Variants in CYTH1 observed in about 807,000 individuals in gnomAD.
CYTH1 encodes the protein cytohesin-1.
In CYTH1, 18 loss-of-function variants were observed where a neutral mutation model predicts 61.8. That is an observed-to-expected ratio of 0.29 (90% CI 0.20 to 0.43). The LOEUF (loss-of-function observed/expected upper bound fraction) is 0.43. CYTH1 is among the 20% of genes least tolerant of loss of function. The pLI, the probability that CYTH1 is intolerant of heterozygous loss-of-function variation, is 1.00. For missense variants in CYTH1, 336 were observed against 510.5 expected (o/e 0.66, Z 3.29); for synonymous variants, 174 against 184.3 (o/e 0.94, Z 0.45).
At chr17:78,769,138 T>C (rs1330785825) in intron 1 of CYTH1, among the ~76,000 whole-genome samples, 1 of 135,644 alleles carries the variant, frequency 7.4e-6, no homozygotes, top group East Asian at 2.3e-4. Flanking sequence ...AGAGCAAGAC[T>C]ATGTCTCAAA....
chr17:78,731,666 G>A (rs1567865249), intron 1 of CYTH1, among the ~76,000 whole-genome samples: 1 of 150,176 alleles, frequency 6.7e-6, no homozygotes, highest in Non-Finnish European at 1.5e-5. Context: ...GCTGAGGCAG[G>A]AGAATGGCGT....
Position 78,674,494 on chromosome 17 carries a change from A to G in CYTH1, c.*1597T>C, listed in dbSNP as rs1256046633. 2.2e-5 allele frequency: 3 copies of G among 137,910 alleles called. No individual in the cohort carries two copies. Among genetic ancestry groups the G allele is most frequent in the African/African-American group, 8.1e-5 (3 of 36,912 alleles). The allele number at this position is 137,910 out of a possible 1,614,324, so 8.5% of individuals were successfully genotyped here. A position where few individuals can be genotyped will look rare whatever the true frequency, so the allele number is the denominator to read the frequency against. ...AAAAGTGCCTAAAGCCATTCCCTCC[A>G]GGTAGGATCTACACAAAGTGGCGGG... On this transcript the variant is annotated 3_prime_UTR_variant, in exon 14 of 14. Coordinates refer to ENST00000446868, the MANE Select transcript of CYTH1 (RefSeq NM_004762.6).
chr17:78,737,922 T>C (rs1293451548), intron 1 of CYTH1, among the ~76,000 whole-genome samples: 1 of 152,104 alleles, frequency 6.6e-6, no homozygotes, highest in Non-Finnish European at 1.5e-5. Flanking sequence ...TGTCGTTTTA[T>C]AGCTACTTAT....
At chr17:78,678,175 T>C (rs3936118) in intron 13 of CYTH1, 84,590 of 152,166 alleles carry the variant, frequency 0.56, 23,587 homozygotes, top group East Asian at 0.61. Flanking sequence ...AAGGATTGAA[T>C]GATTCTAAAT....
intron 1 of CYTH1, among the ~76,000 whole-genome samples, chr17:78,711,936 G>A (rs1447787669): frequency 6.6e-6 from 1 of 151,784 alleles, no homozygotes; most frequent in East Asian, 1.9e-4. Flanking sequence ...AAAATTAGCT[G>A]GGCATGGTGG....
chr17:78,757,751 T>C (rs2093407448), intron 1 of CYTH1, among the ~76,000 whole-genome samples: 1 of 151,582 alleles, frequency 6.6e-6, no homozygotes, highest in South Asian at 2.1e-4. Flanking sequence ...GCCAACATGG[T>C]GAAACCCCTT....
rs757011876 is a variant in CYTH1 at position 78,698,363 on chromosome 17, T to C, written c.717A>G (p.Ile239Met). 2 of 1,612,272 alleles carry C rather than the reference T, an allele frequency of 1.2e-6. No homozygotes were observed. The highest frequency in any genetic ancestry group is 1.7e-6 in the Non-Finnish European group (2 of 1,179,008). The change falls in exon 9 of 14, where the codon ATA (isoleucine) becomes ATG (methionine). Residue 239 changes from isoleucine to methionine, a missense_variant. Physicochemically the swap from Ile to Met is conservative, Grantham distance 10 (BLOSUM62 1). Transcript: ENST00000446868. Reference protein sequence around the residue: ...EELLRNLYESIKNEPFKIPED... With the variant: ...EELLRNLYESMKNEPFKIPED... ...CTGGGATTTTAAAGGGTTCATTTTT[T>C]ATGCTCTCATAGAGATTCTGGGATA...
intron 1 of CYTH1, among the ~76,000 whole-genome samples, chr17:78,744,452 A>G (rs1271254776): frequency 1.3e-5 from 2 of 152,202 alleles, no homozygotes; most frequent in Non-Finnish European, 2.9e-5. Flanking sequence ...AGTGTCCTCC[A>G]AAGTCCCGAA....
At chr17:78,701,643 C>G in intron 6 of CYTH1, 28 bp downstream of exon 6, 1 of 1,610,940 alleles carries the variant, frequency 6.2e-7, no homozygotes, top group Non-Finnish European at 8.5e-7. Context: ...CCACTCCTTC[C>G]AAAGGGGCTC....
intron 1 of CYTH1, among the ~76,000 whole-genome samples, chr17:78,727,128 A>C (rs529135973): frequency 4.0e-4 from 61 of 152,354 alleles, no homozygotes; most frequent in African/African-American, 1.3e-3. Flanking sequence ...TTTCATCAGC[A>C]TCCCAAACCC....
chr17:78,675,321 A>G lies in CYTH1; in HGVS notation c.*770T>C, dbSNP rs891344660. On this transcript the variant is annotated 3_prime_UTR_variant, in exon 14 of 14. Transcript: ENST00000446868. Reference sequence around the variant, plus strand: ...CGCTCCGCAGGCACTTGGGATGGAAAAGCATCCGCGGGAGATGCCGGACTG... The same window carrying G: ...CGCTCCGCAGGCACTTGGGATGGAAGAGCATCCGCGGGAGATGCCGGACTG... 3.9e-5 allele frequency: 6 copies of G among 152,402 alleles called. No individual in the cohort carries two copies. Among genetic ancestry groups the G allele is most frequent in the Admixed American group, 3.3e-4 (5 of 15,310 alleles). The allele number at this position is 152,402 out of a possible 1,614,324, so 9.4% of individuals were successfully genotyped here.
chr17:78,686,767 T>A (rs1435638831), intron 11 of CYTH1, among the ~76,000 whole-genome samples: 1 of 152,120 alleles, frequency 6.6e-6, no homozygotes, highest in Non-Finnish European at 1.5e-5. Context: ...TACATTTTTT[T>A]AAGTTAATTA....
intron 1 of CYTH1, among the ~76,000 whole-genome samples, chr17:78,764,530 A>G (rs1017977343): frequency 6.6e-6 from 1 of 152,172 alleles, no homozygotes; most frequent in Non-Finnish European, 1.5e-5. Context: ...TAAACTTCCC[A>G]GCAAGTCAAC....
intron 1 of CYTH1, among the ~76,000 whole-genome samples, chr17:78,779,291 T>C (rs1372039511): frequency 1.3e-5 from 2 of 149,740 alleles, no homozygotes; most frequent in African/African-American, 4.9e-5. Flanking sequence ...TCCCAGCTAC[T>C]CAGGAGGCTG....
intron 1 of CYTH1, among the ~76,000 whole-genome samples, chr17:78,770,651 T>C (rs995030062): frequency 6.6e-6 from 1 of 152,104 alleles, no homozygotes; most frequent in African/African-American, 2.4e-5. Flanking sequence ...TCTCTTGACT[T>C]TGTGATCCGC....
Position 78,758,542 on chromosome 17 carries a change from T to C in CYTH1, c.22+23660A>G, listed in dbSNP as rs149785431. Among the ~76,000 whole-genome samples, 1,320 of 152,068 alleles carry C rather than the reference T, an allele frequency of 8.7e-3. 22 individuals carry two copies. The highest frequency in any genetic ancestry group is 0.03 in the African/African-American group (1,226 of 41,460). The stretch of plus-strand genomic sequence containing the variant: ...AAACATGGAGAAACCCCGTCTCTAC[T>C]AAAAATAAAAAATTAGCCGGGCATG... On this transcript the variant is annotated intron_variant, in intron 1 of 13. Transcript: ENST00000446868.
chr17:78,698,985 A>G lies in CYTH1; in HGVS notation c.551-17T>C. 1 of 1,607,734 alleles carries G rather than the reference A, an allele frequency of 6.2e-7. No homozygotes were observed. The highest frequency in any genetic ancestry group is 1.1e-5 in the South Asian group (1 of 89,566). ...AACAAGTATCTAAAGATGAGAGAAA[A>G]GCAAAGGGGAGCCGTTGCATGCTCA... On this transcript the variant is annotated splice_polypyrimidine_tract_variant and intron_variant, in intron 7 of 13. Coordinates refer to ENST00000446868, the MANE Select transcript of CYTH1 (RefSeq NM_004762.6).
intron 1 of CYTH1, among the ~76,000 whole-genome samples, chr17:78,765,129 G>T (rs987661397): frequency 6.6e-6 from 1 of 152,124 alleles, no homozygotes; most frequent in African/African-American, 2.4e-5. Flanking sequence ...ACCAAGCACC[G>T]CAAGGAGTTT....
chr17:78,764,688 T>C (rs1368833552), intron 1 of CYTH1, among the ~76,000 whole-genome samples: 1 of 152,126 alleles, frequency 6.6e-6, no homozygotes, highest in Non-Finnish European at 1.5e-5. Context: ...CAAGTTTCCA[T>C]GAGCAATTTC....
Sources: allele counts gnomAD v4.1 joint callset (sites outside exome capture counted in the v4.1 genomes callset), GRCh38; gene constraint gnomAD v4.1.1; transcripts MANE v1.5; gene names NCBI Gene and HGNC (gene_info 2026-07-23, HGNC 2026-07-21).